The following ZMIZ1 variants were observed in gnomAD, a reference collection of about 807,000 sequenced individuals.
ZMIZ1 encodes zinc finger MIZ domain-containing protein 1.
A neutral mutation model predicts 113.9 loss-of-function variants in ZMIZ1; 17 were observed. The ratio of observed to expected loss-of-function variants is 0.15; its 90% CI spans 0.10 to 0.22. The LOEUF (loss-of-function observed/expected upper bound fraction) is 0.22, where lower values mean the gene tolerates loss of function less well. Ranked by LOEUF, ZMIZ1 falls within the 10% of genes least tolerant of loss-of-function variation. The pLI is 1.00. For missense variants in ZMIZ1, 1,059 were observed against 1,477.8 expected (o/e 0.72, Z 4.65); for synonymous variants, 607 against 603.1 (o/e 1.01, Z -0.09).
rs146426773 is a variant in ZMIZ1, at chr10:79,291,069, G to A, written c.651G>A (p.Ala217=). 1.5e-5 allele frequency: 24 copies of A among 1,614,124 alleles called. No individual in the cohort carries two copies. Among genetic ancestry groups the A allele is most frequent in the African/African-American group, 1.2e-4 (9 of 74,950 alleles). Residue 217 remains alanine (A), a synonymous_variant, in exon 10 of 25, where the codon GCG becomes GCA. Coordinates refer to ENST00000334512, the MANE Select transcript of ZMIZ1 (RefSeq NM_020338.4). ...SNPGLNSPQF[A]GQQQQFSAKA... The stretch of plus-strand genomic sequence containing the variant: ...CAGGCCTCAACTCCCCACAGTTTGC[G>A]GGGCAGCAGCAGCAGTTCTCAGCCA...
intron 7 of ZMIZ1, among the ~76,000 whole-genome samples, chr10:79,251,898 C>T (rs1172690331): frequency 6.6e-6 from 1 of 152,216 alleles, no homozygotes; most frequent in Non-Finnish European, 1.5e-5. Flanking sequence ...GCCCTATCCC[C>T]ACCTTACTAG....
intron 7 of ZMIZ1, among the ~76,000 whole-genome samples, chr10:79,257,674 C>G (rs1448233748): frequency 6.6e-6 from 1 of 152,360 alleles, no homozygotes; most frequent in South Asian, 2.1e-4. Context: ...ACCTGCCCTC[C>G]CCAGGCCCCA....
intron 1 of ZMIZ1, among the ~76,000 whole-genome samples, chr10:79,092,108 C>G (rs946686511): frequency 6.6e-6 from 1 of 152,142 alleles, no homozygotes; most frequent in Non-Finnish European, 1.5e-5. Context: ...TTCTGAAGAT[C>G]TGGGTGCAGG....
chr10:79,101,898 G>A (rs958500729), intron 1 of ZMIZ1, among the ~76,000 whole-genome samples: 7 of 152,198 alleles, frequency 4.6e-5, no homozygotes, highest in African/African-American at 1.2e-4. Context: ...ACCATCAGCT[G>A]CCACAATGCA....
At chr10:79,157,584 A>G (rs1264803390) in intron 3 of ZMIZ1, among the ~76,000 whole-genome samples, 2 of 152,026 alleles carry the variant, frequency 1.3e-5, no homozygotes, top group African/African-American at 4.8e-5. Context: ...TGGTGGGTGC[A>G]TGGCTGGAGG....
intron 2 of ZMIZ1, among the ~76,000 whole-genome samples, chr10:79,126,062 C>T (rs1167847696): frequency 6.6e-6 from 1 of 152,188 alleles, no homozygotes; most frequent in East Asian, 1.9e-4. Context: ...TGCACGGGAA[C>T]CCGCAGACCT....
intron 2 of ZMIZ1, among the ~76,000 whole-genome samples, chr10:79,119,294 C>G (rs79415398): frequency 0.024 from 3,706 of 152,284 alleles, 134 homozygotes; most frequent in African/African-American, 0.076. Context: ...GTAGCCCTTT[C>G]CTTCTAGAGG....
intron 7 of ZMIZ1, among the ~76,000 whole-genome samples, chr10:79,239,818 C>A (rs1849734992): frequency 6.6e-6 from 1 of 152,176 alleles, no homozygotes; most frequent in African/African-American, 2.4e-5. Context: ...AAGCCCATCC[C>A]TCTGTGGGTA....
At chr10:79,121,998 G>C (rs1416049797) in intron 2 of ZMIZ1, among the ~76,000 whole-genome samples, 1 of 151,912 alleles carries the variant, frequency 6.6e-6, no homozygotes, top group East Asian at 2.0e-4. Context: ...TGAAAATGCA[G>C]AGCCCTTTGT....
intron 4 of ZMIZ1, among the ~76,000 whole-genome samples, chr10:79,172,057 C>T (rs1846622316): frequency 1.3e-5 from 2 of 152,262 alleles, no homozygotes; most frequent in East Asian, 1.9e-4. Flanking sequence ...ACCGAGAGCT[C>T]AGGTCAGGAA....
intron 1 of ZMIZ1, among the ~76,000 whole-genome samples, chr10:79,102,789 C>T (rs1246507558): frequency 6.6e-6 from 1 of 152,206 alleles, no homozygotes; most frequent in Admixed American, 6.5e-5. Flanking sequence ...TGGGATCATT[C>T]CCAACCTGGC....
chr10:79,280,734 A>G (rs1230946973), intron 8 of ZMIZ1, among the ~76,000 whole-genome samples: 1 of 132,116 alleles, frequency 7.6e-6, no homozygotes. Flanking sequence ...TTATCACAAT[A>G]AAAGTACCCT....
chr10:79,264,349 T>C (rs974765897), intron 7 of ZMIZ1, among the ~76,000 whole-genome samples: 4 of 152,222 alleles, frequency 2.6e-5, no homozygotes, highest in African/African-American at 9.6e-5. Flanking sequence ...TGGTGCATTC[T>C]TGGGTACCTC....
intron 1 of ZMIZ1, among the ~76,000 whole-genome samples, chr10:79,086,689 T>G (rs547803210): frequency 6.6e-6 from 1 of 152,194 alleles, no homozygotes; most frequent in Non-Finnish European, 1.5e-5. Context: ...AAAAAATTTT[T>G]TTTGTAAAGA....
chr10:79,299,060 T>A lies in ZMIZ1; in HGVS notation c.1677T>A (p.Asn559Lys). 6.2e-7 allele frequency: 1 copy of A among 1,610,204 alleles called. No homozygotes were observed. The part of the protein sequence containing the change: ...SALPPPPANH[N>K]DELRLTFPVR... ...CTCTCCTCGCCCCAGCCAACCACAA[T>A]GACGAGCTGCGGCTCACATTCCCTG... The change falls in exon 16 of 25, where the codon AAT (asparagine) becomes AAA (lysine). Residue 559 changes from asparagine (N) to lysine (K), a missense_variant. By Grantham distance (94) the Asn-to-Lys change is moderately conservative (BLOSUM62 0). Coordinates refer to ENST00000334512, the MANE Select transcript of ZMIZ1 (RefSeq NM_020338.4).
At chr10:79,182,494 T>A (rs1564703672) in intron 4 of ZMIZ1, among the ~76,000 whole-genome samples, 1 of 151,984 alleles carries the variant, frequency 6.6e-6, no homozygotes, top group Non-Finnish European at 1.5e-5. Context: ...GCAGCAGCAT[T>A]GGTTCTGGGT....
chr10:79,307,723 C>G (rs1972346), intron 23 of ZMIZ1, 152 bp downstream of exon 23: 311,374 of 850,954 alleles, frequency 0.37, 62,893 homozygotes, highest in East Asian at 0.45. Flanking sequence ...ACTGAGGCTA[C>G]GTCGTGCCCT....
intron 2 of ZMIZ1, among the ~76,000 whole-genome samples, chr10:79,123,530 G>A (rs1458186120): frequency 6.6e-6 from 1 of 152,202 alleles, no homozygotes; most frequent in African/African-American, 2.4e-5. Context: ...CAGGGCTGTG[G>A]CCACACAGGA....
intron 7 of ZMIZ1, among the ~76,000 whole-genome samples, chr10:79,261,979 G>T (rs1851299163): frequency 6.6e-6 from 1 of 152,222 alleles, no homozygotes; most frequent in Non-Finnish European, 1.5e-5. Context: ...GGGAGAGAGA[G>T]CTCAGGGTCA....
Sources: gnomAD v4.1 joint callset for allele counts (sites outside exome capture counted in the v4.1 genomes callset) on GRCh38, gnomAD v4.1.1 for gene constraint, MANE v1.5 for transcripts, NCBI Gene and HGNC (gene_info 2026-07-23, HGNC 2026-07-21) for gene names.